PRELID2: variants seen among roughly 807,000 people sequenced by gnomAD.
PRELID2 encodes PRELI domain-containing protein 2.
In PRELID2, 25 loss-of-function variants were observed where a neutral mutation model predicts 28.4. The ratio of observed to expected loss-of-function variants is 0.88; its 90% CI spans 0.64 to 1.23. The LOEUF (loss-of-function observed/expected upper bound fraction) is 1.23, where lower values mean the gene tolerates loss of function less well. Ranked by LOEUF, PRELID2 falls within the 50% of genes most tolerant of loss-of-function variation. The pLI is 0.00. For synonymous variants in PRELID2, 76 were observed against 71.6 expected, an observed-to-expected ratio of 1.06 and a Z score of -0.31; for missense variants, 201 against 214.4, an observed-to-expected ratio of 0.94 and a Z score of 0.39.
intron 1 of PRELID2, among the ~76,000 whole-genome samples, chr5:145,579,435 C>T (rs755758622): frequency 2.0e-5 from 3 of 152,086 alleles, no homozygotes; most frequent in Non-Finnish European, 4.4e-5. Context: ...AGTTTTATTG[C>T]CCTTGGGCAG....
intron 1 of PRELID2, among the ~76,000 whole-genome samples, chr5:145,573,118 A>G (rs1052867748): frequency 3.3e-5 from 5 of 152,144 alleles, no homozygotes; most frequent in Admixed American, 6.5e-5. Flanking sequence ...CTTTCATACC[A>G]AATAATGAGA....
At chr5:145,473,430 A>T (rs1752071168) in intron 1 of PRELID2, 2 of 152,194 alleles carry the variant, frequency 1.3e-5, no homozygotes, top group Non-Finnish European at 2.9e-5. Flanking sequence ...TATCATCATC[A>T]TCATCTTATT....
At chr5:145,290,818 A>ATTT in the PRELID2 span, among the ~76,000 whole-genome samples, 19 of 147,322 alleles carry the variant, frequency 1.3e-4, no homozygotes, top group African/African-American at 4.7e-4. Context: ...GTGTTTTGTA[A>ATTT]TTTTTTTTTT....
chr5:145,400,903 A>C, the PRELID2 span, among the ~76,000 whole-genome samples: 1 of 152,138 alleles, frequency 6.6e-6, no homozygotes, highest in Non-Finnish European at 1.5e-5. Context: ...GCCATGTCTA[A>C]AGCCAGTGCC....
At chr5:145,229,699 T>C in the PRELID2 span, 2 of 760,240 alleles carry the variant, frequency 2.6e-6, no homozygotes, top group Non-Finnish European at 4.8e-6. Context: ...CATGCTCATT[T>C]AGACATCAAG....
intron 1 of PRELID2, among the ~76,000 whole-genome samples, chr5:145,707,263 A>G (rs2149707290): frequency 6.6e-6 from 1 of 152,310 alleles, no homozygotes; most frequent in Middle Eastern, 3.4e-3. Context: ...CAGAGTCAGG[A>G]TGTGACCCCA....
At chr5:145,599,469 T>C (rs1378013959) in intron 1 of PRELID2, among the ~76,000 whole-genome samples, 1 of 152,320 alleles carries the variant, frequency 6.6e-6, no homozygotes. Context: ...TTTGTATCCA[T>C]GAAGGTCCCA....
intron 1 of PRELID2, among the ~76,000 whole-genome samples, chr5:145,572,716 C>T (rs1162881170): frequency 6.6e-6 from 1 of 152,060 alleles, no homozygotes; most frequent in Admixed American, 6.5e-5. Flanking sequence ...GGATGCAGTC[C>T]ATCCCTGTAC....
the PRELID2 span, among the ~76,000 whole-genome samples, chr5:145,388,981 A>T: frequency 3.3e-5 from 5 of 152,240 alleles, no homozygotes; most frequent in African/African-American, 1.2e-4. Context: ...ATGTACCATA[A>T]GCACAATGTA....
intron 1 of PRELID2, among the ~76,000 whole-genome samples, chr5:145,563,221 A>G (rs1752938683): frequency 6.6e-6 from 1 of 152,236 alleles, no homozygotes. Flanking sequence ...ATCCTTTTGT[A>G]CAAGGATTTC....
At chr5:145,268,875 A>C in the PRELID2 span, among the ~76,000 whole-genome samples, 1 of 152,106 alleles carries the variant, frequency 6.6e-6, no homozygotes, top group East Asian at 1.9e-4. Context: ...AAATCAATTT[A>C]TTTCTTTATA....
intron 1 of PRELID2, among the ~76,000 whole-genome samples, chr5:145,551,173 G>C (rs1752830416): frequency 1.3e-5 from 2 of 151,982 alleles, no homozygotes; most frequent in Admixed American, 6.6e-5. Context: ...GAGGCCGAGG[G>C]GGGCAGATCA....
At chr5:145,816,529 C>T (rs58913566) in intron 4 of PRELID2, among the ~76,000 whole-genome samples, 4,725 of 152,104 alleles carry the variant, frequency 0.031, 263 homozygotes, top group African/African-American at 0.11. Flanking sequence ...AAGATTTATA[C>T]CCATGTTTAT....
At chr5:145,412,889 C>T in the PRELID2 span, among the ~76,000 whole-genome samples, 1 of 152,108 alleles carries the variant, frequency 6.6e-6, no homozygotes. Flanking sequence ...AGAATGAGTG[C>T]TGAGCAAAGG....
chr5:145,700,708 G>A (rs375062554), intron 1 of PRELID2, among the ~76,000 whole-genome samples: 35 of 152,166 alleles, frequency 2.3e-4, no homozygotes, highest in South Asian at 2.1e-4. Flanking sequence ...TATTCGTCTC[G>A]GCCCTGGGGA....
chr5:145,494,601 T>A (rs544367016), intron 1 of PRELID2, among the ~76,000 whole-genome samples: 57 of 152,176 alleles, frequency 3.7e-4, no homozygotes, highest in Non-Finnish European at 6.2e-4. Flanking sequence ...CCAGAGGTCA[T>A]TAAAGAAAAG....
the PRELID2 span, among the ~76,000 whole-genome samples, chr5:145,322,956 G>A: frequency 1.3e-5 from 2 of 152,138 alleles, no homozygotes; most frequent in African/African-American, 4.8e-5. Flanking sequence ...ACTCCAGCCT[G>A]GTGACAGAGT....
the PRELID2 span, among the ~76,000 whole-genome samples, chr5:145,457,480 T>G: frequency 1.3e-5 from 2 of 152,150 alleles, no homozygotes; most frequent in African/African-American, 4.8e-5. Flanking sequence ...TTCAAAGACA[T>G]GATTATGTAT....
chr5:145,419,034 C>A, the PRELID2 span, among the ~76,000 whole-genome samples: 1 of 150,730 alleles, frequency 6.6e-6, no homozygotes, highest in Non-Finnish European at 1.5e-5. Flanking sequence ...CCAATTTCAT[C>A]CATGTCCCTA....
Sources: gnomAD v4.1 joint callset for allele counts (sites outside exome capture counted in the v4.1 genomes callset) on GRCh38, gnomAD v4.1.1 for gene constraint, MANE v1.5 for transcripts, NCBI Gene and HGNC (gene_info 2026-07-23, HGNC 2026-07-21) for gene names.